Variants in ZBBX observed in about 807,000 individuals in gnomAD.
The protein encoded by ZBBX is zinc finger B-box domain-containing protein 1.
Under a neutral mutation model 108.5 loss-of-function variants are expected in ZBBX, and 101 were observed. The ratio of observed to expected loss-of-function variants is 0.93; its 90% CI spans 0.79 to 1.10. ZBBX has a LOEUF of 1.10. Among genes scored for constraint, ZBBX ranks in the 50% least tolerant of loss-of-function variants. The pLI is 0.00. For missense variants in ZBBX, 1,009 were observed against 941.4 expected (o/e 1.07, Z -0.94); for synonymous variants, 356 against 323.4 (o/e 1.10, Z -1.08).
intron 1 of ZBBX, among the ~76,000 whole-genome samples, chr3:167,390,455 T>G (rs945595623): frequency 2.6e-4 from 40 of 152,100 alleles, no homozygotes; most frequent in Non-Finnish European, 2.5e-4. Flanking sequence ...AGGATTATCT[T>G]GGCTATACGG....
chr3:167,374,024 T>C (rs532743871), intron 2 of ZBBX, among the ~76,000 whole-genome samples: 6 of 152,324 alleles, frequency 3.9e-5, no homozygotes, highest in Non-Finnish European at 7.4e-5. Flanking sequence ...GCTCTTTCTA[T>C]TGCTAAGGCT....
intron 18 of ZBBX, among the ~76,000 whole-genome samples, chr3:167,294,479 A>C (rs1318650582): frequency 1.3e-5 from 2 of 152,240 alleles, no homozygotes; most frequent in Non-Finnish European, 2.9e-5. Flanking sequence ...GTGTTGGGAA[A>C]ACTGGCTAGC....
the ZBBX span, among the ~76,000 whole-genome samples, chr3:167,209,373 C>T: frequency 3.8e-4 from 58 of 152,148 alleles, no homozygotes; most frequent in African/African-American, 1.4e-3. Context: ...CTCCTCAATT[C>T]CAGAAAGCTC....
chr3:167,373,549 C>T (rs534891998), intron 3 of ZBBX, among the ~76,000 whole-genome samples, 157 bp downstream of exon 3: 1 of 152,260 alleles, frequency 6.6e-6, no homozygotes, highest in South Asian at 2.1e-4. Context: ...CCAAATTTTA[C>T]TATTAACTTA....
chr3:167,317,098 C>G lies in ZBBX; in HGVS notation c.1101G>C (p.Glu367Asp). ...NENDEDSDGE[E>D]TKVQHTALLL... ...AAAGAGCTGTGTGTTGTACTTTGGT[C>G]TCCTCACCTAGGAAATAAGATTCAC... The change falls in exon 14 of 22, where the codon GAG becomes GAC. Residue 367 changes from glutamate to aspartate, a missense_variant. Glu to Asp is a conservative substitution (Grantham distance 45). Coordinates refer to ENST00000675490, the MANE Select transcript of ZBBX (RefSeq NM_001199201.2). 1 of 1,599,226 alleles carries G rather than the reference C, an allele frequency of 6.3e-7. No homozygotes were observed. Among genetic ancestry groups the G allele is most frequent in the Non-Finnish European group, 8.6e-7 (1 of 1,168,972 alleles).
At chr3:167,302,250 T>C (rs1163299260) in intron 17 of ZBBX, among the ~76,000 whole-genome samples, 3 of 152,150 alleles carry the variant, frequency 2.0e-5, no homozygotes, top group African/African-American at 7.2e-5. Context: ...CTTCTCTATC[T>C]TTACTAATAG....
chr3:167,268,808 CAAAG>C (rs1261597831), intron 20 of ZBBX, among the ~76,000 whole-genome samples: 1 of 152,074 alleles, frequency 6.6e-6, no homozygotes, highest in Non-Finnish European at 1.5e-5. Context: ...GAAACAAAAA[CAAAG>C]GGCAAAACTT....
chr3:167,316,927 A>T, intron 14 of ZBBX, 78 bp downstream of exon 14: 1 of 765,010 alleles, frequency 1.3e-6, no homozygotes, highest in African/African-American at 1.8e-5. Flanking sequence ...CTTATTGAAA[A>T]TAATATGCAG....
intron 5 of ZBBX, chr3:167,366,694 A>G: frequency 2.7e-6 from 1 of 365,116 alleles, no homozygotes. Context: ...GACCTCAGAA[A>G]ACAATGTAAC....
At chr3:167,319,916 G>A (rs1030519979) in intron 12 of ZBBX, among the ~76,000 whole-genome samples, 2 of 151,842 alleles carry the variant, frequency 1.3e-5, no homozygotes, top group African/African-American at 2.4e-5. Context: ...GTTTGGATTC[G>A]GAATGCCTGG....
At chr3:167,348,406 G>GGA (rs1317987689) in intron 9 of ZBBX, among the ~76,000 whole-genome samples, 31 of 124,990 alleles carry the variant, frequency 2.5e-4, no homozygotes, top group African/African-American at 9.4e-4. Context: ...GGGAGGGAGA[G>GGA]GAGAGAGAGA....
chr3:167,180,401 C>T, the ZBBX span, among the ~76,000 whole-genome samples: 1 of 152,168 alleles, frequency 6.6e-6, no homozygotes, highest in Non-Finnish European at 1.5e-5. Flanking sequence ...CGAATGGTTA[C>T]TTTCTGTGGC....
chr3:167,349,443 G>A (rs537562133), intron 9 of ZBBX, among the ~76,000 whole-genome samples: 27 of 152,008 alleles, frequency 1.8e-4, no homozygotes, highest in African/African-American at 4.3e-4. Flanking sequence ...GCCCAGAAGC[G>A]CTAAACATTG....
downstream of ZBBX, among the ~76,000 whole-genome samples, chr3:167,235,365 T>A (rs1720191688): frequency 6.6e-6 from 1 of 151,592 alleles, no homozygotes; most frequent in African/African-American, 2.4e-5. Flanking sequence ...TGTAAAAAAA[T>A]GTGAAATTAT....
chr3:167,339,460 T>C (rs1046960950), intron 9 of ZBBX, among the ~76,000 whole-genome samples: 3 of 152,168 alleles, frequency 2.0e-5, no homozygotes, highest in Admixed American at 6.6e-5. Context: ...GAATTACTAC[T>C]GGGAACTACA....
intron 14 of ZBBX, among the ~76,000 whole-genome samples, chr3:167,316,474 T>C (rs1349826739): frequency 6.6e-6 from 1 of 152,052 alleles, no homozygotes; most frequent in Non-Finnish European, 1.5e-5. Context: ...TCCAGAGCTC[T>C]AGCTCTGACA....
chr3:167,404,278 C>A (rs1160826716), intron 1 of ZBBX, among the ~76,000 whole-genome samples: 1 of 151,506 alleles, frequency 6.6e-6, no homozygotes, highest in Non-Finnish European at 1.5e-5. Flanking sequence ...TAAAAGTAAG[C>A]AAAGCAAAAC....
At chr3:167,402,611 A>G (rs1748459285) in intron 1 of ZBBX, among the ~76,000 whole-genome samples, 1 of 152,180 alleles carries the variant, frequency 6.6e-6, no homozygotes, top group South Asian at 2.1e-4. Context: ...AAAAATCACC[A>G]AAAGCAAACC....
chr3:167,278,573 A>C (rs974953391), intron 20 of ZBBX, among the ~76,000 whole-genome samples: 18 of 149,350 alleles, frequency 1.2e-4, no homozygotes, highest in African/African-American at 4.0e-4. Context: ...CTCTGAATAG[A>C]CCAATAACAG....
Sources: allele counts gnomAD v4.1 joint callset (sites outside exome capture counted in the v4.1 genomes callset), GRCh38; gene constraint gnomAD v4.1.1; transcripts MANE v1.5; gene names NCBI Gene and HGNC (gene_info 2026-07-23, HGNC 2026-07-21).